RFTN1: variants seen among roughly 807,000 people sequenced by gnomAD.
RFTN1 encodes raftlin, lipid raft linker 1.
A neutral mutation model predicts 46.5 loss-of-function variants in RFTN1; 26 were observed. The observed-to-expected ratio is 0.56, with a 90% CI of 0.41 to 0.78. The LOEUF (loss-of-function observed/expected upper bound fraction) is 0.78. Among genes scored for constraint, RFTN1 ranks in the 30% least tolerant of loss-of-function variants. The pLI is 0.00. For synonymous variants in RFTN1, 261 were observed against 284.2 expected (o/e 0.92, Z 0.82); for missense variants, 693 against 718.7 (o/e 0.96, Z 0.41).
At position 16,503,103 on chromosome 3, in the gene RFTN1, C is replaced by T. The variant is rs548509700; in HGVS notation, c.-8-9226G>A. Among the ~76,000 whole-genome samples, 34 of 152,230 alleles carry T rather than the reference C, an allele frequency of 2.2e-4. 1 individual carries two copies. The highest frequency in any genetic ancestry group is 3.4e-3 in the Middle Eastern group (1 of 294). On this transcript the variant is annotated intron_variant, in intron 1 of 9. Transcript: ENST00000334133. The stretch of plus-strand genomic sequence containing the variant: ...CTTGCTTACCCCCACTCCTCCAACT[C>T]CCACACCTACCACCATCTCAGTCTG...
At chr3:16,495,051 G>C (rs2076602600) in intron 1 of RFTN1, among the ~76,000 whole-genome samples, 2 of 152,140 alleles carry the variant, frequency 1.3e-5, no homozygotes, top group African/African-American at 4.8e-5. Context: ...AGACGGTGTA[G>C]CGACAACCAG....
At position 16,433,949 on chromosome 3, in the gene RFTN1, C is replaced by T; in HGVS notation, c.234G>A (p.Ser78=). 2.5e-6 allele frequency: 4 copies of T among 1,614,122 alleles called. No homozygotes were observed. The highest frequency in any genetic ancestry group is 1.7e-6 in the Non-Finnish European group (2 of 1,180,032). ...GCACGAAGGGGTGCAGGGCCGCCAG[C>T]GAGAAGCCCTGCTGGTACAGCTCCA... is the stretch of plus-strand genomic sequence containing the variant. ...QLLELYQQGF[S]LAALHPFVQP... Residue 78 remains serine (S), a synonymous_variant, in exon 3 of 10, where the codon TCG becomes TCA. Transcript: ENST00000334133. The surrounding 1 kb of genome is among the most constrained non-coding windows in gnomAD (Gnocchi z 4.4).
rs1363536289 is a variant in RFTN1 at position 16,341,146 on chromosome 3, C to A, written c.1147-14270G>T. Among the ~76,000 whole-genome samples, 2 of 152,354 alleles carry A rather than the reference C, an allele frequency of 1.3e-5. No homozygotes were observed. Among genetic ancestry groups the A allele is most frequent in the African/African-American group, 4.8e-5 (2 of 41,582 alleles). ...ATTAGAATGGCCAAGATCCAAAACA[C>A]TGACAATACTTAATGCCGGTGAGGA... On this transcript the variant is annotated intron_variant, in intron 7 of 9. Coordinates refer to ENST00000334133, the MANE Select transcript of RFTN1 (RefSeq NM_015150.2). The surrounding 1 kb of genome is among the most constrained non-coding windows in gnomAD (Gnocchi z 4.7).
At position 16,410,535 on chromosome 3, in the gene RFTN1, CTT is replaced by C. The variant is rs1329215008; in HGVS notation, c.333-1054_333-1053del. 6.6e-6 allele frequency among the ~76,000 whole-genome samples: 1 copy of C among 152,030 alleles called. No homozygotes were observed. The highest frequency in any genetic ancestry group is 2.4e-5 in the African/African-American group (1 of 41,378). ...AAATTAAAAATTAATTTTTAAAAGA[CTT>C]TAAAAGGGTTCAACCCCTTTAGAGG... is the stretch of plus-strand genomic sequence containing the variant. On this transcript the variant is annotated intron_variant, in intron 3 of 9. Transcript: ENST00000334133. This position sits in a 1 kb window ranked among gnomAD's most constrained non-coding sequence, Gnocchi z 4.6.
chr3:16,504,191 T>C lies in RFTN1; in HGVS notation c.-9+9251A>G, dbSNP rs1194112592. 6.6e-6 allele frequency among the ~76,000 whole-genome samples: 1 copy of C among 152,252 alleles called. No individual in the cohort carries two copies. Among genetic ancestry groups the C allele is most frequent in the East Asian group, 1.9e-4 (1 of 5,208 alleles). On this transcript the variant is annotated intron_variant, in intron 1 of 9. Transcript: ENST00000334133. This position sits in a 1 kb window ranked among gnomAD's most constrained non-coding sequence, Gnocchi z 4.4. ...TTAGGTCCAAACAACTTAATACTTA[T>C]TCACAGCCTAACAACAGCAGCCTTT...
At position 16,402,472 on chromosome 3, in the gene RFTN1, G is replaced by A. The variant is rs1260083915; in HGVS notation, c.441+6903C>T. 6.6e-6 allele frequency among the ~76,000 whole-genome samples: 1 copy of A among 151,954 alleles called. No homozygotes were observed. Among genetic ancestry groups the A allele is most frequent in the Non-Finnish European group, 1.5e-5 (1 of 67,992 alleles). ...CTTTTTTAAATGTCACTATTCTCTT[G>A]GTTTGTGGGTGGGTTCTGGTGCAGC... On this transcript the variant is annotated intron_variant, in intron 4 of 9. Transcript: ENST00000334133. This position sits in a 1 kb window ranked among gnomAD's most constrained non-coding sequence, Gnocchi z 4.5.
Position 16,509,674 on chromosome 3 carries a change from C to A in RFTN1, c.-9+3768G>T, listed in dbSNP as rs1274834584. On this transcript the variant is annotated intron_variant, in intron 1 of 9. Transcript: ENST00000334133. The surrounding 1 kb of genome is among the most constrained non-coding windows in gnomAD (Gnocchi z 4.9). ...AAACCCTTTGAATGTGTTTTCCAAGCCATGGTAAAGTGCCCTCGAGTAAAA... is the reference window on the plus strand; with the variant it reads ...AAACCCTTTGAATGTGTTTTCCAAGACATGGTAAAGTGCCCTCGAGTAAAA... Among the ~76,000 whole-genome samples the A allele has an allele frequency of 1.3e-5, 2 of 152,178 alleles. No homozygotes were observed.
rs1049552963 is a variant in RFTN1 at position 16,498,649 on chromosome 3, G to A, written c.-8-4772C>T. ...CTCTTTGGAAAGGGAGACACAGGAA[G>A]TAGTTGCTGGCCATCAAAACCTTAG... On this transcript the variant is annotated intron_variant, in intron 1 of 9. Transcript: ENST00000334133. The surrounding 1 kb of genome is among the most constrained non-coding windows in gnomAD (Gnocchi z 5.2). Among the ~76,000 whole-genome samples, 12 of 152,182 alleles carry A rather than the reference G, an allele frequency of 7.9e-5. No individual in the cohort carries two copies. Among genetic ancestry groups the A allele is most frequent in the African/African-American group, 2.7e-4 (11 of 41,436 alleles).
At chr3:16,439,812 G>A (rs2075586839) in intron 2 of RFTN1, among the ~76,000 whole-genome samples, 1 of 152,168 alleles carries the variant, frequency 6.6e-6, no homozygotes, top group African/African-American at 2.4e-5. Flanking sequence ...GTCCTCTGGG[G>A]GAGTGTGGGG....
In RFTN1 at chr3:16,404,158, T is replaced by A. The variant is rs1392122151; in HGVS notation, c.441+5217A>T. Among the ~76,000 whole-genome samples, 7 of 40,374 alleles carry A rather than the reference T, an allele frequency of 1.7e-4. 2 individuals carry two copies. Among genetic ancestry groups the A allele is most frequent in the Non-Finnish European group, 2.0e-4 (5 of 25,326 alleles). The allele number at this position is 40,374 out of a possible 152,430, so 26.5% of individuals were successfully genotyped here. A position where few individuals can be genotyped will look rare whatever the true frequency, so the allele number is the denominator to read the frequency against. ...ATATATAATATACATTTTATATATA[T>A]TATATATAATATACATTTTATATAT... On this transcript the variant is annotated intron_variant, in intron 4 of 9. Transcript: ENST00000334133.
chr3:16,323,562 G>C (rs1478501196), intron 8 of RFTN1, 105 bp from the exon 9 acceptor site: 4 of 772,638 alleles, frequency 5.2e-6, no homozygotes, highest in African/African-American at 1.8e-5. Context: ...ACCACCCACA[G>C]GATTATGACA....
intron 6 of RFTN1, among the ~76,000 whole-genome samples, chr3:16,360,390 G>A (rs191120297): frequency 1.6e-4 from 24 of 152,160 alleles, no homozygotes; most frequent in Admixed American, 7.8e-4. Flanking sequence ...GGCTAGTTTC[G>A]GACTGCTGGA....
chr3:16,328,626 C>T (rs147888076), intron 7 of RFTN1, among the ~76,000 whole-genome samples: 5 of 152,292 alleles, frequency 3.3e-5, no homozygotes, highest in African/African-American at 4.8e-5. Context: ...TGGCCCGAGC[C>T]GGCAGCATCA....
chr3:16,316,301 A>T lies in RFTN1; in HGVS notation c.*527T>A, dbSNP rs556671859. On this transcript the variant is annotated 3_prime_UTR_variant, in exon 10 of 10. Transcript: ENST00000334133. This position sits in a 1 kb window ranked among gnomAD's most constrained non-coding sequence, Gnocchi z 4.5. ...GGAGGCGGAGCACCTCCCCTCCCCA[A>T]TGTCATTTTCTTTGTCAAAGCAGAA... 1 of 161,164 alleles carries T rather than the reference A, an allele frequency of 6.2e-6. No homozygotes were observed. The highest frequency in any genetic ancestry group is 1.3e-5 in the Non-Finnish European group (1 of 74,624). The allele number at this position is 161,164 out of a possible 1,614,324, so 10.0% of individuals were successfully genotyped here. A position where few individuals can be genotyped will look rare whatever the true frequency, so the allele number is the denominator to read the frequency against.
In RFTN1 at chr3:16,421,811, G is replaced by A. The variant is rs562142740; in HGVS notation, c.332+12040C>T. ...CTTCATAGAAATTTTTTAAAGCCAT[G>A]TGTATATTTCATGAGAGTTAATTTA... On this transcript the variant is annotated intron_variant, in intron 3 of 9. Coordinates refer to ENST00000334133, the MANE Select transcript of RFTN1 (RefSeq NM_015150.2). The surrounding 1 kb of genome is among the most constrained non-coding windows in gnomAD (Gnocchi z 4.6). Among the ~76,000 whole-genome samples, 2 of 152,262 alleles carry A rather than the reference G, an allele frequency of 1.3e-5. No individual in the cohort carries two copies. The highest frequency in any genetic ancestry group is 4.8e-5 in the African/African-American group (2 of 41,530).
chr3:16,466,642 G>A lies in RFTN1; in HGVS notation c.145+27083C>T, dbSNP rs894437181. ...TCCTCAGAAACCAACCTTCTTTACA[G>A]GCAGAAGTTTCTTCCAACCTGTTAC... On this transcript the variant is annotated intron_variant, in intron 2 of 9. Transcript: ENST00000334133. The surrounding 1 kb of genome is among the most constrained non-coding windows in gnomAD (Gnocchi z 5.6). Among the ~76,000 whole-genome samples the A allele has an allele frequency of 1.2e-4, 19 of 152,152 alleles. No homozygotes were observed. Among genetic ancestry groups the A allele is most frequent in the African/African-American group, 4.6e-4 (19 of 41,426 alleles).
chr3:16,402,271 C>T lies in RFTN1; in HGVS notation c.441+7104G>A, dbSNP rs181962976. On this transcript the variant is annotated intron_variant, in intron 4 of 9. Transcript: ENST00000334133. This position sits in a 1 kb window ranked among gnomAD's most constrained non-coding sequence, Gnocchi z 4.5. ...TCTTTCAATGTATCCATTAACTCGA[C>T]GCTTATGTATTAAGTCCTGAAGACA... 2.3e-3 allele frequency among the ~76,000 whole-genome samples: 350 copies of T among 152,292 alleles called. 1 individual carries two copies. The highest frequency in any genetic ancestry group is 4.1e-3 in the Non-Finnish European group (281 of 68,018).
chr3:16,347,544 TC>T (rs986080150), intron 7 of RFTN1: 1 of 152,246 alleles, frequency 6.6e-6, no homozygotes, highest in Non-Finnish European at 1.5e-5. Context: ...TTTTCAACTC[TC>T]TACTCTGCCT....
rs2072453675 is a variant in RFTN1, at chr3:16,356,624, G to A, written c.1146+1308C>T. On this transcript the variant is annotated intron_variant, in intron 7 of 9. Transcript: ENST00000334133. The surrounding 1 kb of genome is among the most constrained non-coding windows in gnomAD (Gnocchi z 4.9). ...CATCTCCACTTCAATAACCAGGCAA[G>A]GGACTGCCTCAAGGCTGCAGTTCTG... is the stretch of plus-strand genomic sequence containing the variant. Among the ~76,000 whole-genome samples the A allele has an allele frequency of 6.6e-6, 1 of 152,242 alleles. No individual in the cohort carries two copies. The highest frequency in any genetic ancestry group is 2.4e-5 in the African/African-American group (1 of 41,470).
Sources: allele counts gnomAD v4.1 joint callset (sites outside exome capture counted in the v4.1 genomes callset), GRCh38; gene constraint gnomAD v4.1.1; non-coding constraint Gnocchi (gnomAD v3.1); transcripts MANE v1.5; gene names NCBI Gene and HGNC (gene_info 2026-07-23, HGNC 2026-07-21).